FBXO25: variants seen among roughly 807,000 people sequenced by gnomAD.
The protein encoded by FBXO25 is F-box only protein 25.
A neutral mutation model predicts 51.9 loss-of-function variants in FBXO25; 45 were observed. The ratio of observed to expected loss-of-function variants is 0.87; its 90% CI spans 0.68 to 1.11. The LOEUF is 1.11. Ranked by LOEUF, FBXO25 falls within the 50% of genes most tolerant of loss-of-function variation. The pLI, the probability that FBXO25 is intolerant of heterozygous loss-of-function variation, is 0.00. For synonymous variants in FBXO25, 199 were observed against 151.0 expected, an observed-to-expected ratio of 1.32 and a Z score of -2.33; for missense variants, 507 against 428.5, an observed-to-expected ratio of 1.18 and a Z score of -1.62.
Position 472,350 on chromosome 8 carries a change from T to C in FBXO25, c.*3546T>C, listed in dbSNP as rs1800510006. 1 of 152,262 alleles carries C rather than the reference T, an allele frequency of 6.6e-6. No individual in the cohort carries two copies. The highest frequency in any genetic ancestry group is 1.5e-5 in the Non-Finnish European group (1 of 68,052). The allele number at this position is 152,262 out of a possible 1,614,324, so 9.4% of individuals were successfully genotyped here. ...CCTTCATAAGATCATGTGCTGTTATTACATTGACTGATTTCTATATCTTGA... is the reference window on the plus strand; with the variant it reads ...CCTTCATAAGATCATGTGCTGTTATCACATTGACTGATTTCTATATCTTGA... On this transcript the variant is annotated 3_prime_UTR_variant, in exon 10 of 10. Coordinates refer to ENST00000350302, the MANE Select transcript of FBXO25 (RefSeq NM_183420.2).
At chr8:451,501 C>T in intron 7 of FBXO25, 48 bp downstream of exon 7, 2 of 1,529,212 alleles carry the variant, frequency 1.3e-6, no homozygotes, top group Non-Finnish European at 8.9e-7. Context: ...TTTTATATTA[C>T]AGAAGTTATC....
intron 9 of FBXO25, among the ~76,000 whole-genome samples, chr8:466,943 G>C (rs1207108742): frequency 6.6e-6 from 1 of 152,180 alleles, no homozygotes; most frequent in Non-Finnish European, 1.5e-5. Context: ...GGTCAGGGAA[G>C]CCATGATGAG....
At chr8:418,474 G>C (rs1796948937) in intron 2 of FBXO25, among the ~76,000 whole-genome samples, 1 of 150,664 alleles carries the variant, frequency 6.6e-6, no homozygotes, top group East Asian at 2.0e-4. Flanking sequence ...TGAGTAGCTG[G>C]GACTACAGGC....
intron 2 of FBXO25, among the ~76,000 whole-genome samples, chr8:419,963 C>T (rs1237945883): frequency 6.6e-6 from 1 of 152,084 alleles, no homozygotes; most frequent in Non-Finnish European, 1.5e-5. Flanking sequence ...TTTCGGTGAA[C>T]CTGTACTTCA....
At chr8:438,992 C>G (rs1362413082) in intron 5 of FBXO25, among the ~76,000 whole-genome samples, 2 of 152,154 alleles carry the variant, frequency 1.3e-5, no homozygotes, top group Non-Finnish European at 2.9e-5. Flanking sequence ...AACAACACCC[C>G]CTTTGTCAAA....
chr8:435,377 A>G (rs1381757990), intron 4 of FBXO25: 5 of 520,102 alleles, frequency 9.6e-6, no homozygotes, highest in Non-Finnish European at 1.7e-5. Context: ...TGTCTTTGTC[A>G]TTACTTCAGC....
intron 2 of FBXO25, among the ~76,000 whole-genome samples, chr8:423,693 T>A (rs1331432483): frequency 6.6e-6 from 1 of 152,236 alleles, no homozygotes; most frequent in Non-Finnish European, 1.5e-5. Context: ...CAGTCTACCA[T>A]TGATGGGCAC....
chr8:452,548 G>C (rs1799162158), intron 7 of FBXO25, among the ~76,000 whole-genome samples: 1 of 152,230 alleles, frequency 6.6e-6, no homozygotes, highest in Admixed American at 6.5e-5. Context: ...TGATGAGGCA[G>C]ATCCGTGGTA....
rs1438189845 is a variant in FBXO25 at position 475,204 on chromosome 8, C to G, written c.*6400C>G. 2 of 324,098 alleles carry G rather than the reference C, an allele frequency of 6.2e-6. No individual in the cohort carries two copies. The highest frequency in any genetic ancestry group is 2.2e-5 in the African/African-American group (1 of 45,502). The allele number at this position is 324,098 out of a possible 1,614,324, so 20.1% of individuals were successfully genotyped here. ...AGCACCATTTGTTGAAAAGACTGTC[C>G]TTTCTCCCTTGAATGGTCTTGGCAC... On this transcript the variant is annotated 3_prime_UTR_variant, in exon 10 of 10. Coordinates refer to ENST00000350302, the MANE Select transcript of FBXO25 (RefSeq NM_183420.2).
chr8:449,971 T>C lies in FBXO25; in HGVS notation c.382-19T>C, dbSNP rs1237569523. On this transcript the variant is annotated intron_variant, in intron 5 of 9. Coordinates refer to ENST00000350302, the MANE Select transcript of FBXO25 (RefSeq NM_183420.2). Reference sequence around the variant, plus strand: ...TTAAATATATATATCGCTCAGCTTTTTTCCGTCTTTCCTTTAAGCTGTTGC... The same window carrying C: ...TTAAATATATATATCGCTCAGCTTTCTTCCGTCTTTCCTTTAAGCTGTTGC... 6.4e-7 allele frequency: 1 copy of C among 1,570,886 alleles called. No homozygotes were observed. Among genetic ancestry groups the C allele is most frequent in the Non-Finnish European group, 8.7e-7 (1 of 1,145,082 alleles).
At chr8:412,914 G>A (rs1796569912) in intron 1 of FBXO25, among the ~76,000 whole-genome samples, 159 bp from the exon 2 acceptor site, 1 of 152,144 alleles carries the variant, frequency 6.6e-6, no homozygotes. Flanking sequence ...ACACAGTACT[G>A]TGTTATTGTC....
chr8:435,598 C>G lies in FBXO25; in HGVS notation c.289-17C>G. The G allele has an allele frequency of 6.2e-7, 1 of 1,601,990 alleles. No homozygotes were observed. The highest frequency in any genetic ancestry group is 8.5e-7 in the Non-Finnish European group (1 of 1,178,048). On this transcript the variant is annotated splice_polypyrimidine_tract_variant and intron_variant, in intron 4 of 9. Coordinates refer to ENST00000350302, the MANE Select transcript of FBXO25 (RefSeq NM_183420.2). ...TTGGCTAATTGACTAATTTTAACTT[C>G]TGTGTTGCTTTTCCAGAGGCATGGC... is the stretch of plus-strand genomic sequence containing the variant.
intron 7 of FBXO25, among the ~76,000 whole-genome samples, chr8:452,585 G>A (rs1799165884): frequency 6.6e-6 from 1 of 152,236 alleles, no homozygotes; most frequent in South Asian, 2.1e-4. Context: ...GACCTTCTGG[G>A]GAGAGAATAG....
At position 469,594 on chromosome 8, in the gene FBXO25, A is replaced by T. The variant is rs185722100; in HGVS notation, c.*790A>T. The stretch of plus-strand genomic sequence containing the variant: ...TTGATTTAAACTTCATCAGTTTTGC[A>T]TCCTACTGAGAAATGTTAGTGATTT... On this transcript the variant is annotated 3_prime_UTR_variant, in exon 10 of 10. Coordinates refer to ENST00000350302, the MANE Select transcript of FBXO25 (RefSeq NM_183420.2). 52 of 152,360 alleles carry T rather than the reference A, an allele frequency of 3.4e-4. 1 individual carries two copies. Among genetic ancestry groups the T allele is most frequent in the Admixed American group, 1.2e-3 (19 of 15,306 alleles). The allele number at this position is 152,360 out of a possible 1,614,324, so 9.4% of individuals were successfully genotyped here. A position where few individuals can be genotyped will look rare whatever the true frequency, so the allele number is the denominator to read the frequency against.
chr8:444,706 C>T (rs117698527), intron 5 of FBXO25, among the ~76,000 whole-genome samples: 8,712 of 152,126 alleles, frequency 0.057, 277 homozygotes, highest in Middle Eastern at 0.082. Context: ...TGACCGACCG[C>T]GTGTAGTGTC....
intron 9 of FBXO25, among the ~76,000 whole-genome samples, chr8:467,401 A>G (rs1800242529): frequency 1.3e-5 from 2 of 152,380 alleles, no homozygotes; most frequent in South Asian, 2.1e-4. Context: ...TCTCTTCTTC[A>G]GTGAATAATT....
intron 7 of FBXO25, among the ~76,000 whole-genome samples, chr8:453,320 C>T (rs1034007292): frequency 6.6e-6 from 1 of 152,136 alleles, no homozygotes. Context: ...CCTGGCATCT[C>T]TTCACCTGAG....
chr8:439,051 C>G (rs1174431002), intron 5 of FBXO25, among the ~76,000 whole-genome samples: 3 of 152,228 alleles, frequency 2.0e-5, no homozygotes, highest in African/African-American at 4.8e-5. Flanking sequence ...CTTCCATGAA[C>G]TCAGAGGTGC....
intron 5 of FBXO25, among the ~76,000 whole-genome samples, chr8:441,766 C>A (rs1487673011): frequency 6.6e-6 from 1 of 152,218 alleles, no homozygotes; most frequent in Non-Finnish European, 1.5e-5. Context: ...AAGAAAAGCT[C>A]ATCTCTGGTC....
Sources: gnomAD v4.1 joint callset for allele counts (sites outside exome capture counted in the v4.1 genomes callset) on GRCh38, gnomAD v4.1.1 for gene constraint, MANE v1.5 for transcripts, NCBI Gene and HGNC (gene_info 2026-07-23, HGNC 2026-07-21) for gene names.